Variants in DNAJC3 observed in about 807,000 individuals in gnomAD.
DNAJC3 encodes DnaJ heat shock protein family (Hsp40) member C3, also known as dnaJ homolog subfamily C member 3.
A neutral mutation model predicts 68.6 loss-of-function variants in DNAJC3; 38 were observed. The ratio of observed to expected loss-of-function variants is 0.55; its 90% CI spans 0.43 to 0.73. DNAJC3 has a LOEUF of 0.73. Among genes scored for constraint, DNAJC3 ranks in the 30% least tolerant of loss-of-function variants. The pLI, the probability that DNAJC3 is intolerant of heterozygous loss-of-function variation, is 0.00. For missense variants in DNAJC3, 526 were observed against 591.9 expected (o/e 0.89, Z 1.16); for synonymous variants, 203 against 204.0 (o/e 1.00, Z 0.04).
chr13:95,714,023 C>T (rs944133570), intron 2 of DNAJC3, among the ~76,000 whole-genome samples: 6 of 152,134 alleles, frequency 3.9e-5, no homozygotes, highest in Admixed American at 6.5e-5. Context: ...TATAAATATA[C>T]GGAGAACTTC....
intron 1 of DNAJC3, among the ~76,000 whole-genome samples, chr13:95,706,616 C>A (rs776296956): frequency 6.6e-6 from 1 of 152,118 alleles, no homozygotes; most frequent in Non-Finnish European, 1.5e-5. Context: ...AAGGCATCCA[C>A]CATGGGTAAA....
At chr13:95,744,203 G>A (rs1279935831) in intron 4 of DNAJC3, among the ~76,000 whole-genome samples, 1 of 152,036 alleles carries the variant, frequency 6.6e-6, no homozygotes. Context: ...TTTAAAAAGT[G>A]TATACCTAAG....
intron 9 of DNAJC3, among the ~76,000 whole-genome samples, chr13:95,778,278 C>T (rs148390902): frequency 3.9e-5 from 6 of 152,260 alleles, no homozygotes; most frequent in East Asian, 1.9e-4. Flanking sequence ...AACAAAGCTA[C>T]GGTAACCAAA....
chr13:95,679,729 ACT>A (rs1216619067), intron 1 of DNAJC3, among the ~76,000 whole-genome samples: 1 of 152,094 alleles, frequency 6.6e-6, no homozygotes, highest in South Asian at 2.1e-4. Flanking sequence ...AATCTGCTTC[ACT>A]CTTATTAATC....
chr13:95,763,817 T>G lies in DNAJC3; in HGVS notation c.955-16T>G. ...GGAATACCAACCATAAATCCTTGTC[T>G]CACATTTCCTTTTAGGACGAGAAGC... On this transcript the variant is annotated splice_polypyrimidine_tract_variant and intron_variant, in intron 8 of 11. Transcript: ENST00000602402. 1 of 1,614,030 alleles carries G rather than the reference T, an allele frequency of 6.2e-7. No homozygotes were observed. Among genetic ancestry groups the G allele is most frequent in the South Asian group, 1.1e-5 (1 of 91,050 alleles).
chr13:95,705,414 G>T (rs969027757), intron 1 of DNAJC3, among the ~76,000 whole-genome samples: 32 of 152,060 alleles, frequency 2.1e-4, no homozygotes, highest in Middle Eastern at 3.4e-3. Context: ...TCTCAATATT[G>T]ACTTCCTCCT....
chr13:95,789,997 TCTTTGTAGAC>T (rs577556017), intron 11 of DNAJC3, among the ~76,000 whole-genome samples: 22 of 152,164 alleles, frequency 1.4e-4, no homozygotes, highest in Non-Finnish European at 2.9e-4. Context: ...ACATTTAAGT[TCTTTGTAGAC>T]CTTTGTCAGT....
intron 9 of DNAJC3, among the ~76,000 whole-genome samples, chr13:95,781,047 A>G (rs1883436276): frequency 6.6e-6 from 1 of 151,968 alleles, no homozygotes; most frequent in African/African-American, 2.4e-5. Flanking sequence ...TTCACTGGAG[A>G]ACGTCCCCAG....
intron 1 of DNAJC3, among the ~76,000 whole-genome samples, chr13:95,685,172 C>T (rs776483130): frequency 2.0e-5 from 3 of 152,252 alleles, no homozygotes; most frequent in Non-Finnish European, 4.4e-5. Context: ...ACAGCAGCCG[C>T]GTGGGCTGAG....
intron 6 of DNAJC3, 81 bp downstream of exon 6, chr13:95,760,302 A>G: frequency 8.2e-7 from 1 of 1,212,546 alleles, no homozygotes; most frequent in Non-Finnish European, 1.1e-6. Flanking sequence ...ACATTTTAAT[A>G]TTAAATTAAT....
rs551923300 is a variant in DNAJC3, at chr13:95,690,941, G to A, written c.82+13604G>A. On this transcript the variant is annotated intron_variant, in intron 1 of 11. Coordinates refer to ENST00000602402, the MANE Select transcript of DNAJC3 (RefSeq NM_006260.5). ...GGCTGACCCCCCCCACCTCCCTCCC[G>A]GACGGGGCGGCTGGCCGGGCGGGGG... Among the ~76,000 whole-genome samples the A allele has an allele frequency of 6.8e-3, 902 of 133,494 alleles. 30 individuals are homozygous for A. Among genetic ancestry groups the A allele is most frequent in the African/African-American group, 0.025 (842 of 33,304 alleles). The allele number at this position is 133,494 out of a possible 152,430, so 87.6% of individuals were successfully genotyped here.
intron 1 of DNAJC3, among the ~76,000 whole-genome samples, chr13:95,689,658 T>C (rs1422691084): frequency 5.3e-5 from 8 of 152,118 alleles, no homozygotes; most frequent in Admixed American, 5.2e-4. Flanking sequence ...GTTTTATTCT[T>C]ATTTTTCTAG....
chr13:95,779,874 A>T (rs758428774), intron 9 of DNAJC3, among the ~76,000 whole-genome samples: 1 of 152,110 alleles, frequency 6.6e-6, no homozygotes, highest in African/African-American at 2.4e-5. Flanking sequence ...TAAGTTTTAC[A>T]TGTTCTTTTC....
At chr13:95,735,235 G>A (rs1390801184) in intron 4 of DNAJC3, among the ~76,000 whole-genome samples, 1 of 122,540 alleles carries the variant, frequency 8.2e-6, no homozygotes, top group African/African-American at 3.2e-5. Flanking sequence ...GGACATTTGG[G>A]TTGGTTCCAA....
At chr13:95,694,293 A>G (rs992028833) in intron 1 of DNAJC3, 1 of 152,556 alleles carries the variant, frequency 6.6e-6, no homozygotes, top group African/African-American at 2.4e-5. Flanking sequence ...TTGCCACAGT[A>G]TAACCAAAAA....
At chr13:95,779,115 CTTTCTTT>C (rs1274994544) in intron 9 of DNAJC3, among the ~76,000 whole-genome samples, 22 of 122,286 alleles carry the variant, frequency 1.8e-4, no homozygotes, top group Non-Finnish European at 2.8e-4. Context: ...ATATTTTCTT[CTTTCTTT>C]TTTTTTTTTT....
rs1406897922 is a variant in DNAJC3, at chr13:95,734,852, A to G, written c.393+9600A>G. On this transcript the variant is annotated intron_variant, in intron 4 of 11. Coordinates refer to ENST00000602402, the MANE Select transcript of DNAJC3 (RefSeq NM_006260.5). The stretch of plus-strand genomic sequence containing the variant: ...TTTTAATTATACTTTAAGTTTTAGG[A>G]TACATGTGCACATTGTGCAGGTTAG... 3.4e-5 allele frequency among the ~76,000 whole-genome samples: 5 copies of G among 146,422 alleles called. 1 individual carries two copies. The highest frequency in any genetic ancestry group is 1.3e-4 in the African/African-American group (5 of 39,402).
intron 1 of DNAJC3, among the ~76,000 whole-genome samples, chr13:95,703,077 G>A (rs1389760533): frequency 6.6e-6 from 1 of 152,174 alleles, no homozygotes; most frequent in East Asian, 1.9e-4. Context: ...CGTGAACACT[G>A]CATTAGCAAA....
chr13:95,788,373 A>G (rs1272058036), intron 11 of DNAJC3, among the ~76,000 whole-genome samples: 2 of 152,236 alleles, frequency 1.3e-5, no homozygotes, highest in African/African-American at 4.8e-5. Flanking sequence ...TTAAGGTACC[A>G]GGGAGCCAAC....
Sources: gnomAD v4.1 joint callset for allele counts (sites outside exome capture counted in the v4.1 genomes callset) on GRCh38, gnomAD v4.1.1 for gene constraint, MANE v1.5 for transcripts, NCBI Gene and HGNC (gene_info 2026-07-23, HGNC 2026-07-21) for gene names.